The following RIIAD1 variants were observed in gnomAD, a reference collection of about 807,000 sequenced individuals.
RIIAD1 encodes RIIa domain-containing protein 1.
Under a neutral mutation model 13.3 loss-of-function variants are expected in RIIAD1, and 15 were observed. The ratio of observed to expected loss-of-function variants is 1.13; its 90% CI spans 0.76 to 1.74. The LOEUF (loss-of-function observed/expected upper bound fraction) is 1.74, where lower values mean the gene tolerates loss of function less well. Ranked by LOEUF, RIIAD1 falls within the 40% of genes most tolerant of loss-of-function variation. The pLI, the probability that RIIAD1 is intolerant of heterozygous loss-of-function variation, is 0.00. For synonymous variants in RIIAD1, 50 were observed against 43.3 expected, an observed-to-expected ratio of 1.16 and a Z score of -0.61; for missense variants, 121 against 112.2, an observed-to-expected ratio of 1.08 and a Z score of -0.35.
Position 151,722,115 on chromosome 1 carries a change from C to A in RIIAD1, c.114C>A (p.Tyr38Ter). ...AGACTCGGATTGCTAACGAAAAGTA[C>A]CTAAGGACCCACAAAGAAGTAGAGT... ...KIQTRIANEK[Y>*]LRTHKEVEWL... Residue 38 changes from tyrosine (Y) to a stop codon, truncating the protein, a stop_gained, in exon 2 of 5, where the codon TAC becomes TAA. Transcript: ENST00000479191. LOFTEE classifies it high-confidence loss of function. The A allele has an allele frequency of 6.4e-7, 1 of 1,551,256 alleles. No homozygotes were observed. Among genetic ancestry groups the A allele is most frequent in the South Asian group, 1.2e-5 (1 of 84,038 alleles).
At chr1:151,716,265 C>A in intron 4 of RIIAD1, 1 of 471,340 alleles carries the variant, frequency 2.1e-6, no homozygotes. Context: ...ATCGCCTAAA[C>A]AAACGATCTC....
chr1:151,713,991 G>A (rs1230824553), intron 3 of RIIAD1, among the ~76,000 whole-genome samples: 4 of 152,140 alleles, frequency 2.6e-5, no homozygotes, highest in Non-Finnish European at 5.9e-5. Flanking sequence ...GTCTGTCCCT[G>A]CCCTTGCCTG....
upstream of RIIAD1, among the ~76,000 whole-genome samples, chr1:151,717,843 A>T (rs1001274120): frequency 6.6e-6 from 1 of 152,206 alleles, no homozygotes; most frequent in African/African-American, 2.4e-5. Flanking sequence ...GGATACTTCT[A>T]TGGATGATTG....
intron 4 of RIIAD1, 137 bp downstream of exon 4, chr1:151,729,030 C>T (rs1236880291): frequency 1.7e-6 from 1 of 592,166 alleles, no homozygotes; most frequent in Non-Finnish European, 3.0e-6. Context: ...AGTTTTTCCT[C>T]TACTGTTTTG....
upstream of RIIAD1, chr1:151,719,833 A>G: frequency 3.4e-6 from 2 of 588,236 alleles, no homozygotes. Flanking sequence ...GCACAAGAAG[A>G]TCACAGATTG....
At chr1:151,715,646 A>G (rs1673416889) in intron 4 of RIIAD1, 1 of 1,500,806 alleles carries the variant, frequency 6.7e-7, no homozygotes, top group Non-Finnish European at 8.9e-7. Context: ...ACATCTTTGC[A>G]GCCGTCTTGA....
At chr1:151,725,679 T>G (rs1673817778) in intron 2 of RIIAD1, among the ~76,000 whole-genome samples, 1 of 152,220 alleles carries the variant, frequency 6.6e-6, no homozygotes, top group South Asian at 2.1e-4. Context: ...TTTTGTATTT[T>G]ATATGAATGG....
upstream of RIIAD1, among the ~76,000 whole-genome samples, chr1:151,718,395 C>A (rs1163053522): frequency 6.6e-6 from 1 of 152,232 alleles, no homozygotes; most frequent in Non-Finnish European, 1.5e-5. Flanking sequence ...GGAGCCTGGG[C>A]AGTCTGGCTC....
At chr1:151,711,788 C>G (rs574937763) in intron 1 of RIIAD1, 2 of 152,310 alleles carry the variant, frequency 1.3e-5, no homozygotes, top group Admixed American at 6.5e-5. Context: ...GGGATTCTTA[C>G]GCTTGGCGCT....
chr1:151,729,186 G>C (rs1215402852), intron 4 of RIIAD1, among the ~76,000 whole-genome samples: 1 of 152,030 alleles, frequency 6.6e-6, no homozygotes, highest in East Asian at 1.9e-4. Context: ...AAATGGGGAG[G>C]GGGCCATTAG....
chr1:151,716,841 TTC>T, upstream of RIIAD1: 1 of 456,040 alleles, frequency 2.2e-6, no homozygotes, highest in South Asian at 1.6e-5. Flanking sequence ...CCCACCTCCT[TTC>T]CCCTGACATC....
In RIIAD1 at chr1:151,727,216, C is replaced by T. The variant is rs370012936; in HGVS notation, c.162-359C>T. ...TCTCTTGAGCCAGGGAGGTTGATCGCGCCACTGTACTCCAGGCTGGGTGAC... is the reference window on the plus strand; with the variant it reads ...TCTCTTGAGCCAGGGAGGTTGATCGTGCCACTGTACTCCAGGCTGGGTGAC... On this transcript the variant is annotated intron_variant, in intron 2 of 4. Transcript: ENST00000479191. Among the ~76,000 whole-genome samples the T allele has an allele frequency of 2.8e-4, 42 of 152,220 alleles. No homozygotes were observed. In the East Asian group the frequency reaches 3.7e-3, roughly 13 times the overall value.
intron 1 of RIIAD1, 186 bp downstream of exon 1, chr1:151,721,806 G>C (rs1170552975): frequency 1.4e-5 from 8 of 561,044 alleles, no homozygotes; most frequent in Admixed American, 3.1e-5. Context: ...AGAGCGCGAC[G>C]GGCATCTGAG....
chr1:151,715,676 G>A (rs1673419709), intron 4 of RIIAD1: 1 of 1,525,100 alleles, frequency 6.6e-7, no homozygotes, highest in Non-Finnish European at 8.8e-7. Flanking sequence ...AGCCAAAAGA[G>A]GCCCTCCTTA....
intron 2 of RIIAD1, among the ~76,000 whole-genome samples, chr1:151,723,774 C>T (rs1673781070): frequency 6.6e-6 from 1 of 152,118 alleles, no homozygotes; most frequent in Non-Finnish European, 1.5e-5. Context: ...TCTCAGAGGG[C>T]AGATAGGGGA....
At chr1:151,725,104 CGCCTTTTTTTTTTTTTTTTTTTTG>C (rs1423614787) in intron 2 of RIIAD1, among the ~76,000 whole-genome samples, 2 of 123,884 alleles carry the variant, frequency 1.6e-5, no homozygotes, top group Non-Finnish European at 3.3e-5. Flanking sequence ...CACCGCACCT[CGCCTTTTTTTTTTTTTTTTTTTTG>C]GAGACGAAGT....
chr1:151,728,733 T>C, intron 3 of RIIAD1, 33 bp from the exon 4 acceptor site: 2 of 1,282,722 alleles, frequency 1.6e-6, no homozygotes, highest in Non-Finnish European at 2.2e-6. Context: ...CCTTTGGGTA[T>C]AGATGATGTC....
At chr1:151,718,677 C>T (rs1473224531), upstream of RIIAD1, among the ~76,000 whole-genome samples, 1 of 152,108 alleles carries the variant, frequency 6.6e-6, no homozygotes, top group African/African-American at 2.4e-5. Flanking sequence ...ATGCCCGGGT[C>T]CCCCAAGTAG....
At position 151,714,057 on chromosome 1, in the gene RIIAD1, C is replaced by CT. The variant is rs1421881076; in HGVS notation, c.-89-362dup. Among the ~76,000 whole-genome samples the CT allele has an allele frequency of 3.2e-4, 48 of 152,198 alleles. 1 individual carries two copies. The highest frequency in any genetic ancestry group is 3.9e-4 in the Admixed American group (6 of 15,280). Reference sequence around the variant, plus strand: ...TGCCCAGGCCTGCCCAGGCCCTGCTCTACCCTGATGCTCTGTGGCTCTGTT... The same window carrying CT: ...TGCCCAGGCCTGCCCAGGCCCTGCTCTTACCCTGATGCTCTGTGGCTCTGTT... On this transcript the variant is annotated intron_variant, in intron 3 of 8. Coordinates refer to the RIIAD1 transcript ENST00000326413.
Sources: allele counts gnomAD v4.1 joint callset (sites outside exome capture counted in the v4.1 genomes callset), GRCh38; gene constraint gnomAD v4.1.1; transcripts MANE v1.5; gene names NCBI Gene and HGNC (gene_info 2026-07-23, HGNC 2026-07-21).